NDST3: variants seen among roughly 807,000 people sequenced by gnomAD.
The protein encoded by NDST3 is N-deacetylase and N-sulfotransferase 3.
In NDST3, 58 loss-of-function variants were observed where a neutral mutation model predicts 96.1. That is an observed-to-expected ratio of 0.60 (90% CI 0.49 to 0.75). The LOEUF is 0.75. Ranked by LOEUF, NDST3 falls within the 30% of genes least tolerant of loss-of-function variation. The pLI is 0.00. For missense variants in NDST3, 788 were observed against 1,034.2 expected, an observed-to-expected ratio of 0.76 and a Z score of 3.27; for synonymous variants, 333 against 359.7, an observed-to-expected ratio of 0.93 and a Z score of 0.84.
At chr4:118,254,941 T>C (rs1193533420) in intron 13 of NDST3, among the ~76,000 whole-genome samples, 2 of 152,200 alleles carry the variant, frequency 1.3e-5, no homozygotes, top group African/African-American at 2.4e-5. Context: ...CAATTTTCTG[T>C]GGCTGATTAA....
chr4:118,120,483 G>C (rs1731474714), intron 4 of NDST3, among the ~76,000 whole-genome samples: 1 of 152,152 alleles, frequency 6.6e-6, no homozygotes, highest in African/African-American at 2.4e-5. Flanking sequence ...CTAATACTTG[G>C]ATCTGGGGTG....
chr4:118,246,440 A>C (rs1741316543), intron 12 of NDST3, among the ~76,000 whole-genome samples: 1 of 152,122 alleles, frequency 6.6e-6, no homozygotes, highest in African/African-American at 2.4e-5. Flanking sequence ...ACTTGTCTCT[A>C]CTAAAAACTC....
At chr4:118,251,433 T>C (rs1299989881) in intron 12 of NDST3, among the ~76,000 whole-genome samples, 2 of 152,174 alleles carry the variant, frequency 1.3e-5, no homozygotes, top group Non-Finnish European at 2.9e-5. Context: ...TTTTATAGTT[T>C]AGGTTTAGCT....
rs1377244484 is a variant in NDST3, at chr4:118,087,615, C to T, written c.982-17403C>T. 1.4e-4 allele frequency among the ~76,000 whole-genome samples: 21 copies of T among 152,082 alleles called. 1 individual carries two copies. Among genetic ancestry groups the T allele is most frequent in the Admixed American group, 1.4e-3 (21 of 15,248 alleles). On this transcript the variant is annotated intron_variant, in intron 2 of 13. Transcript: ENST00000296499. ...CTAGAATTGAAATTTTGGCTGCCAA[C>T]CTAGAGCTTCTCCCATGTCCATACT... is the stretch of plus-strand genomic sequence containing the variant.
At position 118,256,280 on chromosome 4, in the gene NDST3, TTA is replaced by T. The variant is rs1365868815; in HGVS notation, c.*574_*575del. The T allele has an allele frequency of 2.0e-5, 3 of 152,204 alleles. No homozygotes were observed. Among genetic ancestry groups the T allele is most frequent in the East Asian group, 1.9e-4 (1 of 5,182 alleles). 9.4% of individuals were successfully genotyped at this position (152,204 alleles called of 1,614,324 possible). ...TTTGTGCTAGATCAGAGTGGAAAAG[TTA>T]TATATGAGTGTTATCTGCACCAAAA... On this transcript the variant is annotated 3_prime_UTR_variant, in exon 14 of 14. Transcript: ENST00000296499.
At chr4:118,194,613 T>C (rs1471961653) in intron 6 of NDST3, 8 of 719,610 alleles carry the variant, frequency 1.1e-5, no homozygotes, top group African/African-American at 8.7e-5. Flanking sequence ...TCCCCAATCA[T>C]GGGCATCTCT....
chr4:118,193,486 T>C, intron 6 of NDST3: 1 of 822,994 alleles, frequency 1.2e-6, no homozygotes, highest in Non-Finnish European at 2.0e-6. Context: ...TGAGATTGTC[T>C]CCTGAGGAAG....
At chr4:118,209,221 T>C (rs1311727675) in intron 6 of NDST3, among the ~76,000 whole-genome samples, 1 of 152,196 alleles carries the variant, frequency 6.6e-6, no homozygotes, top group East Asian at 1.9e-4. Context: ...AATATAACCT[T>C]TGTGCTATGC....
intron 5 of NDST3, 69 bp downstream of exon 5, chr4:118,138,308 AAAAACAC>A: frequency 7.3e-7 from 1 of 1,362,488 alleles, no homozygotes; most frequent in Non-Finnish European, 1.0e-6. Flanking sequence ...TTGAAGAAAG[AAAAACAC>A]AAATGTTAGC....
intron 2 of NDST3, chr4:118,055,114 T>A (rs557330363): frequency 1.7e-6 from 1 of 592,938 alleles, no homozygotes; most frequent in South Asian, 2.0e-5. Flanking sequence ...TGTGGCAGGA[T>A]CCTGAAATGG....
In NDST3 at chr4:118,167,847, T is replaced by G. The variant is rs578199663; in HGVS notation, c.1539+24163T>G. The stretch of plus-strand genomic sequence containing the variant: ...CTTCCACAAATGGGGTTGAGAAAAC[T>G]GAATATTCACATATAAAAAATTAAA... On this transcript the variant is annotated intron_variant, in intron 6 of 13. Coordinates refer to ENST00000296499, the MANE Select transcript of NDST3 (RefSeq NM_004784.3). Among the ~76,000 whole-genome samples, 13 of 152,066 alleles carry G rather than the reference T, an allele frequency of 8.5e-5. No homozygotes were observed. The East Asian group carries it at 2.5e-3, about 29-fold the overall frequency.
intron 2 of NDST3, among the ~76,000 whole-genome samples, chr4:118,056,474 C>CT (rs1272392981): frequency 1.3e-5 from 2 of 151,838 alleles, no homozygotes; most frequent in African/African-American, 2.4e-5. Context: ...TAACTAAATG[C>CT]TTTTTTAAAA....
At chr4:118,130,976 T>C (rs1418331926) in intron 4 of NDST3, among the ~76,000 whole-genome samples, 2 of 152,208 alleles carry the variant, frequency 1.3e-5, no homozygotes, top group Admixed American at 6.5e-5. Context: ...TTGTTACTTT[T>C]CTCTTGCTGC....
At chr4:118,090,180 T>C (rs760783287) in intron 2 of NDST3, among the ~76,000 whole-genome samples, 41 of 152,122 alleles carry the variant, frequency 2.7e-4, no homozygotes, top group Non-Finnish European at 5.2e-4. Flanking sequence ...CCTACACCTA[T>C]ATAACTAGCA....
At chr4:118,081,719 G>C (rs1325010934) in intron 2 of NDST3, among the ~76,000 whole-genome samples, 1 of 152,076 alleles carries the variant, frequency 6.6e-6, no homozygotes, top group African/African-American at 2.4e-5. Context: ...TTATGCTACT[G>C]TCTCTTTACT....
At chr4:118,249,731 TACACAC>T (rs60479821) in intron 12 of NDST3, among the ~76,000 whole-genome samples, 20 of 145,498 alleles carry the variant, frequency 1.4e-4, no homozygotes, top group Admixed American at 4.8e-4. Flanking sequence ...CAGCCCCACA[TACACAC>T]ACACACACAC....
intron 4 of NDST3, among the ~76,000 whole-genome samples, chr4:118,131,123 G>A (rs1421993347): frequency 6.6e-6 from 1 of 151,996 alleles, no homozygotes; most frequent in Non-Finnish European, 1.5e-5. Flanking sequence ...TCCAGGTTTG[G>A]GAGGTTTTCT....
intron 12 of NDST3, among the ~76,000 whole-genome samples, chr4:118,243,378 G>T (rs1380072056): frequency 6.6e-6 from 1 of 152,158 alleles, no homozygotes; most frequent in Non-Finnish European, 1.5e-5. Context: ...GAGGACAAAG[G>T]AGTAGGTGGA....
chr4:118,205,701 C>A (rs2125983208), intron 6 of NDST3, among the ~76,000 whole-genome samples: 1 of 144,630 alleles, frequency 6.9e-6, no homozygotes, highest in Admixed American at 6.8e-5. Context: ...GAGATTAAAT[C>A]CTGATCAACT....
Sources: allele counts gnomAD v4.1 joint callset (sites outside exome capture counted in the v4.1 genomes callset), GRCh38; gene constraint gnomAD v4.1.1; transcripts MANE v1.5; gene names NCBI Gene and HGNC (gene_info 2026-07-23, HGNC 2026-07-21).